The following THEMIS variants were observed in gnomAD, a reference collection of about 807,000 sequenced individuals.
THEMIS encodes the protein thymocyte selection associated.
A neutral mutation model predicts 52.6 loss-of-function variants in THEMIS; 37 were observed. The observed-to-expected ratio is 0.70, with a 90% CI of 0.54 to 0.93. The LOEUF is 0.93. Ranked by LOEUF, THEMIS falls within the 40% of genes least tolerant of loss-of-function variation. The pLI is 0.00. For missense variants in THEMIS, 808 were observed against 763.1 expected, an observed-to-expected ratio of 1.06 and a Z score of -0.69; for synonymous variants, 292 against 272.7, an observed-to-expected ratio of 1.07 and a Z score of -0.70.
At chr6:127,701,679 G>A in the THEMIS span, among the ~76,000 whole-genome samples, 7 of 152,180 alleles carry the variant, frequency 4.6e-5, no homozygotes, top group African/African-American at 1.7e-4. Flanking sequence ...AGTTCTGGCT[G>A]CTCCATAGTT....
intron 4 of THEMIS, among the ~76,000 whole-genome samples, chr6:127,732,543 C>T (rs1188649676): frequency 6.6e-6 from 1 of 152,168 alleles, no homozygotes; most frequent in Non-Finnish European, 1.5e-5. Flanking sequence ...CATGCCTCAA[C>T]CTAATCACAT....
At chr6:127,868,530 T>C in intron 1 of THEMIS, 1 of 961,642 alleles carries the variant, frequency 1.0e-6, no homozygotes, top group Non-Finnish European at 1.2e-6. Context: ...TGTGCCAACA[T>C]ATTGAATTTC....
At chr6:127,872,095 A>T (rs1357549445) in intron 1 of THEMIS, among the ~76,000 whole-genome samples, 7 of 152,218 alleles carry the variant, frequency 4.6e-5, no homozygotes, top group South Asian at 2.1e-4. Flanking sequence ...TATAAAAAGA[A>T]TTATACACCA....
intron 5 of THEMIS, among the ~76,000 whole-genome samples, chr6:127,717,430 T>C (rs1774207869): frequency 6.6e-6 from 1 of 151,846 alleles, no homozygotes; most frequent in South Asian, 2.1e-4. Flanking sequence ...TAAAATAACA[T>C]GTAGAATTAA....
At chr6:127,851,460 C>A (rs2114276585) in intron 2 of THEMIS, among the ~76,000 whole-genome samples, 1 of 151,386 alleles carries the variant, frequency 6.6e-6, no homozygotes, top group South Asian at 2.1e-4. Context: ...GACTGTTACC[C>A]CAAATATGTA....
rs531864129 is a variant in THEMIS, at chr6:127,772,089, T to G, written c.1758+40794A>C. ...CTTCTAAAATGCTTTATAGTATGGGTTTTTCTGATTTATTTAATCATCCTC... is the reference window on the plus strand; with the variant it reads ...CTTCTAAAATGCTTTATAGTATGGGGTTTTCTGATTTATTTAATCATCCTC... On this transcript the variant is annotated intron_variant, in intron 4 of 5. Coordinates refer to ENST00000368248, the MANE Select transcript of THEMIS (RefSeq NM_001010923.3). Among the ~76,000 whole-genome samples the G allele has an allele frequency of 4.6e-4, 70 of 152,236 alleles. 1 individual carries two copies. The highest frequency in any genetic ancestry group is 7.9e-4 in the Non-Finnish European group (54 of 67,974).
chr6:127,910,490 T>C (rs1781384370), intron 1 of THEMIS, among the ~76,000 whole-genome samples: 1 of 152,202 alleles, frequency 6.6e-6, no homozygotes, highest in African/African-American at 2.4e-5. Flanking sequence ...TCCCACAACG[T>C]TATTTCCAGA....
chr6:127,761,540 T>A (rs769652097), intron 4 of THEMIS, among the ~76,000 whole-genome samples: 2 of 152,112 alleles, frequency 1.3e-5, no homozygotes, highest in Non-Finnish European at 2.9e-5. Flanking sequence ...TTAAACTGCA[T>A]ATCTTCCATG....
intron 5 of THEMIS, among the ~76,000 whole-genome samples, chr6:127,712,282 C>T (rs1050091378): frequency 3.3e-5 from 5 of 151,824 alleles, no homozygotes; most frequent in Admixed American, 1.3e-4. Context: ...AGACCTTATA[C>T]GTCAGCTCAC....
In THEMIS at chr6:127,773,755, T is replaced by C. The variant is rs551705363; in HGVS notation, c.1758+39128A>G. 8.5e-5 allele frequency among the ~76,000 whole-genome samples: 13 copies of C among 152,162 alleles called. 1 individual carries two copies. The South Asian group carries it at 2.7e-3, about 32-fold the overall frequency. ...AATATTGGTGGCTACCGAAAATAAA[T>C]TTATGACAGAGAAAAAAATTTAAGG... On this transcript the variant is annotated intron_variant, in intron 4 of 5. Transcript: ENST00000368248.
intron 1 of THEMIS, among the ~76,000 whole-genome samples, chr6:127,913,775 T>A (rs1781461813): frequency 1.3e-5 from 2 of 152,238 alleles, no homozygotes; most frequent in African/African-American, 4.8e-5. Flanking sequence ...ATTTTACAGC[T>A]CATGCATTAG....
At chr6:127,738,709 C>T (rs1308332141) in intron 4 of THEMIS, among the ~76,000 whole-genome samples, 1 of 152,104 alleles carries the variant, frequency 6.6e-6, no homozygotes, top group Admixed American at 6.5e-5. Flanking sequence ...ACTTGATAAC[C>T]TTGGAAATTT....
At chr6:127,871,753 T>C (rs1313482765) in intron 1 of THEMIS, among the ~76,000 whole-genome samples, 1 of 152,136 alleles carries the variant, frequency 6.6e-6, no homozygotes, top group African/African-American at 2.4e-5. Flanking sequence ...TCATCCAGTA[T>C]GAAATAGATA....
chr6:127,776,348 T>C (rs901766132), intron 4 of THEMIS, among the ~76,000 whole-genome samples: 1 of 152,180 alleles, frequency 6.6e-6, no homozygotes, highest in Admixed American at 6.5e-5. Flanking sequence ...TGGAATCTCA[T>C]CTCTGAAATT....
intron 4 of THEMIS, among the ~76,000 whole-genome samples, chr6:127,794,767 T>G (rs1483808579): frequency 6.6e-6 from 1 of 152,244 alleles, no homozygotes; most frequent in Non-Finnish European, 1.5e-5. Flanking sequence ...AAAATTATTC[T>G]ACACCCCTTA....
At chr6:127,811,922 T>A (rs929773583) in intron 4 of THEMIS, among the ~76,000 whole-genome samples, 1 of 152,228 alleles carries the variant, frequency 6.6e-6, no homozygotes, top group African/African-American at 2.4e-5. Flanking sequence ...TTTCCCTAGC[T>A]ACAATCAGAA....
At chr6:127,752,295 G>GGAAAT (rs1775670501) in intron 4 of THEMIS, among the ~76,000 whole-genome samples, 1 of 148,306 alleles carries the variant, frequency 6.7e-6, no homozygotes, top group African/African-American at 2.5e-5. Context: ...ACAGAGGGGA[G>GGAAAT]GAAATGAATT....
the THEMIS span, among the ~76,000 whole-genome samples, chr6:127,698,168 T>C: frequency 5.9e-5 from 9 of 152,286 alleles, no homozygotes; most frequent in South Asian, 8.3e-4. Context: ...CTTGATCTTA[T>C]GAAATTTTTA....
chr6:127,863,664 A>C (rs1347609303), intron 1 of THEMIS, among the ~76,000 whole-genome samples: 1 of 152,136 alleles, frequency 6.6e-6, no homozygotes, highest in Non-Finnish European at 1.5e-5. Flanking sequence ...CACAACTTAC[A>C]TGGATGTGAA....
Sources: allele counts gnomAD v4.1 joint callset (sites outside exome capture counted in the v4.1 genomes callset), GRCh38; gene constraint gnomAD v4.1.1; transcripts MANE v1.5; gene names NCBI Gene and HGNC (gene_info 2026-07-23, HGNC 2026-07-21).